The following HSPA4L variants were observed in gnomAD, a reference collection of about 807,000 sequenced individuals.
The protein encoded by HSPA4L is heat shock protein family A (Hsp70) member 4 like.
A neutral mutation model predicts 100.3 loss-of-function variants in HSPA4L; 48 were observed. The ratio of observed to expected loss-of-function variants is 0.48; its 90% confidence interval spans 0.38 to 0.61. The LOEUF is 0.61. HSPA4L is among the 20% of genes least tolerant of loss of function. The pLI, the probability that HSPA4L is intolerant of heterozygous loss-of-function variation, is 0.00. For missense variants in HSPA4L, 886 were observed against 988.6 expected (o/e 0.90, Z 1.39); for synonymous variants, 319 against 328.2 (o/e 0.97, Z 0.30).
At chr4:127,795,733 G>C in intron 2 of HSPA4L, 35 bp from the exon 3 acceptor site, 1 of 1,605,398 alleles carries the variant, frequency 6.2e-7, no homozygotes, top group Non-Finnish European at 8.5e-7. Context: ...GCATTTATTA[G>C]GTAACTGATA....
At chr4:127,828,567 C>T (rs1734005298) in intron 17 of HSPA4L, among the ~76,000 whole-genome samples, 1 of 152,044 alleles carries the variant, frequency 6.6e-6, no homozygotes, top group African/African-American at 2.4e-5. Context: ...ATACTGCTTT[C>T]CACTACACAA....
chr4:127,829,992 T>C (rs1392873735), intron 17 of HSPA4L, among the ~76,000 whole-genome samples: 1 of 152,042 alleles, frequency 6.6e-6, no homozygotes, highest in Non-Finnish European at 1.5e-5. Context: ...TGGGGTTTTT[T>C]TTCTTCATAT....
Position 127,832,945 on chromosome 4 carries a change from C to G in HSPA4L, c.*71C>G, listed in dbSNP as rs1734124168. The G allele has an allele frequency of 6.3e-6, 7 of 1,114,832 alleles. No individual in the cohort carries two copies. The highest frequency in any genetic ancestry group is 8.9e-6 in the Non-Finnish European group (7 of 787,466). 69.1% of individuals were successfully genotyped at this position (1,114,832 alleles called of 1,614,324 possible). ...CGGGGTCCATCTTTTACATCTGGTACACACAACAGACGCTCAGTTGTTCTT... is the reference window on the plus strand; with the variant it reads ...CGGGGTCCATCTTTTACATCTGGTAGACACAACAGACGCTCAGTTGTTCTT... On this transcript the variant is annotated 3_prime_UTR_variant, in exon 19 of 19. Transcript: ENST00000296464.
rs373282379 is a variant in HSPA4L at position 127,826,040 on chromosome 4, G to A, written c.2047-1265G>A. Among the ~76,000 whole-genome samples, 30 of 152,140 alleles carry A rather than the reference G, an allele frequency of 2.0e-4. No individual in the cohort carries two copies. The East Asian group carries it at 5.6e-3, about 28-fold the overall frequency. ...GGATTCTTCTGCTTCAAATATGTAAGTAGCCATAGAAATGAATGTTAGAGA... is the reference window on the plus strand; with the variant it reads ...GGATTCTTCTGCTTCAAATATGTAAATAGCCATAGAAATGAATGTTAGAGA... On this transcript the variant is annotated intron_variant, in intron 16 of 18. Transcript: ENST00000296464.
chr4:127,822,015 T>C (rs184845419), intron 14 of HSPA4L, among the ~76,000 whole-genome samples: 8 of 152,282 alleles, frequency 5.3e-5, no homozygotes, highest in Admixed American at 2.0e-4. Flanking sequence ...TGGTTTTCGG[T>C]ATACTACGTT....
At chr4:127,809,483 A>G (rs955264606) in intron 11 of HSPA4L, 1 of 1,053,006 alleles carries the variant, frequency 9.5e-7, no homozygotes, top group Admixed American at 1.7e-5. Flanking sequence ...AATGAAGAAA[A>G]TATTTGTGAT....
Position 127,823,498 on chromosome 4 carries a change from CT to C in HSPA4L, c.1939-18del. The C allele has an allele frequency of 6.6e-7, 1 of 1,505,502 alleles. No individual in the cohort carries two copies. The highest frequency in any genetic ancestry group is 9.2e-7 in the Non-Finnish European group (1 of 1,081,746). 93.3% of individuals were successfully genotyped at this position (1,505,502 alleles called of 1,614,324 possible). A position where few individuals can be genotyped will look rare whatever the true frequency, so the allele number is the denominator to read the frequency against. On this transcript the variant is annotated intron_variant, in intron 15 of 18. Coordinates refer to ENST00000296464, the MANE Select transcript of HSPA4L (RefSeq NM_014278.4). ...TAAGGAAAGTATTTTTAATTAGTGTCTCTCAAATATATTACTAGGACTTGAG... is the reference window on the plus strand; with the variant it reads ...TAAGGAAAGTATTTTTAATTAGTGTCCTCAAATATATTACTAGGACTTGAG...
Position 127,836,928 on chromosome 4 carries a change from TAA to T in HSPA4L, c.*4057_*4058del, listed in dbSNP as rs1734224596. 6.6e-6 allele frequency: 1 copy of T among 152,160 alleles called. No homozygotes were observed. The highest frequency in any genetic ancestry group is 1.5e-5 in the Non-Finnish European group (1 of 68,032). 9.4% of individuals were successfully genotyped at this position (152,160 alleles called of 1,614,324 possible). On this transcript the variant is annotated 3_prime_UTR_variant, in exon 19 of 19. Transcript: ENST00000296464. ...GGTAAAATATAACTTTCTCAGTTTT[TAA>T]AAGTTTACAAAATTTTTTTTTTTGT...
intron 7 of HSPA4L, 49 bp from the exon 8 acceptor site, chr4:127,803,962 G>T (rs1391869829): frequency 1.2e-6 from 2 of 1,607,124 alleles, no homozygotes; most frequent in Non-Finnish European, 1.7e-6. Flanking sequence ...TAGAAGATAC[G>T]CTCAACTTTT....
intron 1 of HSPA4L, among the ~76,000 whole-genome samples, chr4:127,788,103 T>C (rs1308192622): frequency 6.6e-6 from 1 of 151,988 alleles, no homozygotes; most frequent in Non-Finnish European, 1.5e-5. Context: ...AATAATTTAA[T>C]AGTTAAATAA....
intron 3 of HSPA4L, among the ~76,000 whole-genome samples, chr4:127,798,235 A>G (rs1560654830): frequency 6.6e-6 from 1 of 152,204 alleles, no homozygotes; most frequent in Admixed American, 6.5e-5. Flanking sequence ...CTGACTTTCA[A>G]AAGAAAGATT....
In HSPA4L at chr4:127,801,826, T is replaced by C; in HGVS notation, c.571T>C (p.Leu191=). 6.2e-7 allele frequency: 1 copy of C among 1,611,510 alleles called. No homozygotes were observed. The highest frequency in any genetic ancestry group is 8.5e-7 in the Non-Finnish European group (1 of 1,178,328). Residue 191 remains leucine, a synonymous_variant, in exon 6 of 19, where the codon TTA becomes CTA. Coordinates refer to ENST00000296464, the MANE Select transcript of HSPA4L (RefSeq NM_014278.4). ...AATTTATAAACAGGATCTTCCCCCATTAGATGAGAAACCAAGAAATGTAGT... is the reference window on the plus strand; with the variant it reads ...AATTTATAAACAGGATCTTCCCCCACTAGATGAGAAACCAAGAAATGTAGT... The part of the protein sequence containing the change: ...YGIYKQDLPP[L]DEKPRNVVFI...
Position 127,835,011 on chromosome 4 carries a change from G to A in HSPA4L, c.*2137G>A, listed in dbSNP as rs1228402887. 1 of 151,950 alleles carries A rather than the reference G, an allele frequency of 6.6e-6. No homozygotes were observed. The highest frequency in any genetic ancestry group is 1.5e-5 in the Non-Finnish European group (1 of 67,996). The allele number at this position is 151,950 out of a possible 1,614,324, so 9.4% of individuals were successfully genotyped here. Reference sequence around the variant, plus strand: ...ATTCAACTTAAAAGATTTCAAAAACGATTTAGCCTTATAATGTATTTATTT... The same window carrying A: ...ATTCAACTTAAAAGATTTCAAAAACAATTTAGCCTTATAATGTATTTATTT... On this transcript the variant is annotated 3_prime_UTR_variant, in exon 19 of 19. Transcript: ENST00000296464.
chr4:127,798,753 C>T (rs1733093821), intron 4 of HSPA4L, 44 bp downstream of exon 4: 2 of 1,577,142 alleles, frequency 1.3e-6, no homozygotes, highest in Admixed American at 3.4e-5. Context: ...TTATATTTTA[C>T]AGTGTATTAA....
intron 18 of HSPA4L, among the ~76,000 whole-genome samples, chr4:127,831,560 T>C (rs950962344): frequency 2.1e-5 from 3 of 142,314 alleles, no homozygotes; most frequent in African/African-American, 7.8e-5. Context: ...GGAAACTAGA[T>C]CAATAAGTTG....
intron 16 of HSPA4L, among the ~76,000 whole-genome samples, chr4:127,825,094 T>C (rs1192579322): frequency 2.0e-5 from 3 of 151,316 alleles, no homozygotes; most frequent in South Asian, 2.1e-4. Flanking sequence ...GAGCTGAGAT[T>C]GCGCCACTGC....
At position 127,827,978 on chromosome 4, in the gene HSPA4L, G is replaced by A. The variant is rs7664049; in HGVS notation, c.2166+554G>A. Among the ~76,000 whole-genome samples, 55 of 152,092 alleles carry A rather than the reference G, an allele frequency of 3.6e-4. No individual in the cohort carries two copies. In the South Asian group the frequency reaches 0.011, roughly 31 times the overall value. ...ATGATACTTCCATTTAGATATAACC[G>A]TAAAATTTGAGAAAATTAAGCTTAT... On this transcript the variant is annotated intron_variant, in intron 17 of 18. Coordinates refer to ENST00000296464, the MANE Select transcript of HSPA4L (RefSeq NM_014278.4).
chr4:127,794,171 GA>G (rs751826799), intron 2 of HSPA4L, 37 bp downstream of exon 2: 1 of 1,500,498 alleles, frequency 6.7e-7, no homozygotes, highest in Non-Finnish European at 9.3e-7. Context: ...CTTACAGGAA[GA>G]ATTAACTGAA....
chr4:127,827,436 A>T lies in HSPA4L; in HGVS notation c.2166+12A>T. The T allele has an allele frequency of 6.2e-7, 1 of 1,613,564 alleles. No homozygotes were observed. Among genetic ancestry groups the T allele is most frequent in the Non-Finnish European group, 8.5e-7 (1 of 1,179,610 alleles). The stretch of plus-strand genomic sequence containing the variant: ...CTTATAGAAACAAGGTATTGAATTC[A>T]TAAAGCCAATTGGTGACGATGGCAT... On this transcript the variant is annotated intron_variant, in intron 17 of 18. Coordinates refer to ENST00000296464, the MANE Select transcript of HSPA4L (RefSeq NM_014278.4).
Sources: allele counts gnomAD v4.1 joint callset (sites outside exome capture counted in the v4.1 genomes callset), GRCh38; gene constraint gnomAD v4.1.1; transcripts MANE v1.5; gene names NCBI Gene and HGNC (gene_info 2026-07-23, HGNC 2026-07-21).